Variants in SLC35F1 observed in about 807,000 individuals in gnomAD.
SLC35F1 encodes chromosome 6 open reading frame 169.
In SLC35F1, 14 loss-of-function variants were observed where a neutral mutation model predicts 48.7. The observed-to-expected ratio is 0.29, with a 90% CI of 0.19 to 0.45. The LOEUF (loss-of-function observed/expected upper bound fraction) is 0.45, where lower values mean the gene tolerates loss of function less well. SLC35F1 is among the 20% of genes least tolerant of loss of function. The probability of loss-of-function intolerance (pLI) is 1.00; values close to 1 mark genes in which losing one functional copy is unlikely to be tolerated. For synonymous variants in SLC35F1, 190 were observed against 202.2 expected, an observed-to-expected ratio of 0.94 and a Z score of 0.51; for missense variants, 404 against 500.0, an observed-to-expected ratio of 0.81 and a Z score of 1.83.
intron 1 of SLC35F1, among the ~76,000 whole-genome samples, chr6:117,908,849 G>T (rs1201580240): frequency 6.6e-6 from 1 of 152,182 alleles, no homozygotes; most frequent in Admixed American, 6.5e-5. Flanking sequence ...ATCTGTAGGG[G>T]TAACTGTTCC....
chr6:118,239,434 T>C (rs1246710858), intron 3 of SLC35F1, among the ~76,000 whole-genome samples: 1 of 151,652 alleles, frequency 6.6e-6, no homozygotes, highest in African/African-American at 2.4e-5. Context: ...AGAGTCAAAA[T>C]GTATTAATGG....
chr6:118,162,871 A>C (rs1385531202), intron 2 of SLC35F1, among the ~76,000 whole-genome samples: 1 of 152,156 alleles, frequency 6.6e-6, no homozygotes, highest in Non-Finnish European at 1.5e-5. Context: ...GTGAATCTGC[A>C]CCAAATAGAG....
intron 2 of SLC35F1, among the ~76,000 whole-genome samples, chr6:118,176,220 T>C (rs1025865205): frequency 2.0e-5 from 3 of 152,156 alleles, no homozygotes; most frequent in Admixed American, 2.0e-4. Context: ...ACGCACACTT[T>C]TCTTTCCAAG....
intron 3 of SLC35F1, among the ~76,000 whole-genome samples, chr6:118,264,467 G>A (rs1232688087): frequency 6.6e-6 from 1 of 152,050 alleles, no homozygotes; most frequent in African/African-American, 2.4e-5. Flanking sequence ...CTAAAAGTTT[G>A]CACTTACCCA....
intron 3 of SLC35F1, among the ~76,000 whole-genome samples, chr6:118,249,034 G>A (rs560445515): frequency 6.6e-6 from 1 of 152,186 alleles, no homozygotes; most frequent in African/African-American, 2.4e-5. Flanking sequence ...CTATGAACCA[G>A]GGCGTGGGCC....
At chr6:118,021,804 C>T (rs1166400403) in intron 1 of SLC35F1, among the ~76,000 whole-genome samples, 2 of 152,178 alleles carry the variant, frequency 1.3e-5, no homozygotes, top group African/African-American at 4.8e-5. Flanking sequence ...CAGGGGGCCA[C>T]TCGTCTGGCT....
intron 1 of SLC35F1, among the ~76,000 whole-genome samples, chr6:117,974,157 A>G (rs2114845288): frequency 6.6e-6 from 1 of 152,320 alleles, no homozygotes; most frequent in Non-Finnish European, 1.5e-5. Flanking sequence ...ATAATAATAC[A>G]TAGGGTTCTT....
intron 1 of SLC35F1, among the ~76,000 whole-genome samples, chr6:118,061,009 T>G (rs1252309125): frequency 6.6e-6 from 1 of 152,242 alleles, no homozygotes; most frequent in African/African-American, 2.4e-5. Context: ...AGTAAAATTT[T>G]TGTGTCTCAC....
intron 2 of SLC35F1, among the ~76,000 whole-genome samples, chr6:118,230,873 A>G (rs1424253640): frequency 6.6e-6 from 1 of 152,150 alleles, no homozygotes; most frequent in African/African-American, 2.4e-5. Context: ...AAGCAGGAGG[A>G]TCACTTGAGC....
At chr6:117,935,404 G>A (rs569681008) in intron 1 of SLC35F1, among the ~76,000 whole-genome samples, 6 of 152,170 alleles carry the variant, frequency 3.9e-5, no homozygotes, top group Non-Finnish European at 8.8e-5. Flanking sequence ...GCTCTTGTGA[G>A]CTACTGATGA....
intron 3 of SLC35F1, among the ~76,000 whole-genome samples, chr6:118,256,560 T>A (rs1363454482): frequency 1.3e-5 from 2 of 152,044 alleles, no homozygotes. Context: ...AGGGATGAGG[T>A]CACCTCATTA....
At chr6:118,248,289 G>A (rs914451833) in intron 3 of SLC35F1, among the ~76,000 whole-genome samples, 1 of 152,154 alleles carries the variant, frequency 6.6e-6, no homozygotes, top group Non-Finnish European at 1.5e-5. Context: ...GGAACAGTAA[G>A]CAGAATAATG....
intron 2 of SLC35F1, among the ~76,000 whole-genome samples, chr6:118,219,963 A>T (rs1202525815): frequency 2.0e-5 from 3 of 152,134 alleles, no homozygotes; most frequent in East Asian, 1.9e-4. Context: ...GTGGGAATTG[A>T]ACAATGAGAA....
chr6:118,142,847 G>C (rs567223854), intron 1 of SLC35F1, among the ~76,000 whole-genome samples: 1 of 152,124 alleles, frequency 6.6e-6, no homozygotes, highest in Non-Finnish European at 1.5e-5. Flanking sequence ...TGCAAAGAAT[G>C]ATGAAGAAAA....
chr6:118,158,978 T>C (rs2114476206), intron 2 of SLC35F1, among the ~76,000 whole-genome samples: 1 of 152,224 alleles, frequency 6.6e-6, no homozygotes, highest in Middle Eastern at 3.4e-3. Flanking sequence ...CCCAGCACTT[T>C]GGGAGGCCAA....
chr6:118,140,857 AAGT>A (rs1773878758), intron 1 of SLC35F1, among the ~76,000 whole-genome samples: 1 of 149,392 alleles, frequency 6.7e-6, no homozygotes, highest in Non-Finnish European at 1.5e-5. Flanking sequence ...ATAATGTTAA[AAGT>A]AGAAATAAGC....
chr6:118,189,057 G>A (rs1308964884), intron 2 of SLC35F1, among the ~76,000 whole-genome samples: 1 of 152,122 alleles, frequency 6.6e-6, no homozygotes, highest in African/African-American at 2.4e-5. Flanking sequence ...GACTACAGGT[G>A]TGAACCACCA....
At position 118,023,270 on chromosome 6, in the gene SLC35F1, G is replaced by A. The variant is rs189899242; in HGVS notation, c.173+115371G>A. Among the ~76,000 whole-genome samples, 753 of 152,208 alleles carry A rather than the reference G, an allele frequency of 4.9e-3. 8 individuals carry two copies. Among genetic ancestry groups the A allele is most frequent in the African/African-American group, 0.016 (670 of 41,528 alleles). ...AATTTGCTGGACACAAATGCAAAAC[G>A]AAAATGCTGACCCCCTTGTTAAAAT... is the stretch of plus-strand genomic sequence containing the variant. On this transcript the variant is annotated intron_variant, in intron 1 of 7. Coordinates refer to ENST00000360388, the MANE Select transcript of SLC35F1 (RefSeq NM_001029858.4).
intron 1 of SLC35F1, among the ~76,000 whole-genome samples, chr6:118,049,378 C>T (rs1772350710): frequency 6.6e-6 from 1 of 152,072 alleles, no homozygotes; most frequent in African/African-American, 2.4e-5. Flanking sequence ...TCTAATTAAA[C>T]TAAAGAGCTT....
Sources: gnomAD v4.1 joint callset for allele counts (sites outside exome capture counted in the v4.1 genomes callset) on GRCh38, gnomAD v4.1.1 for gene constraint, MANE v1.5 for transcripts, NCBI Gene and HGNC (gene_info 2026-07-23, HGNC 2026-07-21) for gene names.